Variants in MYOM3 observed in about 807,000 individuals in gnomAD.
MYOM3 encodes the protein myomesin 3.
Under a neutral mutation model 191.7 loss-of-function variants are expected in MYOM3, and 155 were observed. The ratio of observed to expected loss-of-function variants is 0.81; its 90% CI spans 0.71 to 0.92. The LOEUF is 0.92. MYOM3 is among the 40% of genes least tolerant of loss of function. The probability of loss-of-function intolerance (pLI) is 0.00; values close to 1 mark genes in which losing one functional copy is unlikely to be tolerated. For synonymous variants in MYOM3, 757 were observed against 762.9 expected (o/e 0.99, Z 0.13); for missense variants, 1,889 against 1,890.6 (o/e 1.00, Z 0.02).
chr1:24,081,232 C>G (rs940818933), intron 19 of MYOM3, 98 bp downstream of exon 19: 8 of 1,488,426 alleles, frequency 5.4e-6, no homozygotes, highest in Non-Finnish European at 7.3e-6. Context: ...CAGTGCAAGC[C>G]TGAATGCATA....
Position 24,087,180 on chromosome 1 carries a change from G to A in MYOM3, c.1615-353C>T, listed in dbSNP as rs1011159698. On this transcript the variant is annotated intron_variant, in intron 14 of 36. Transcript: ENST00000374434. This position sits in a 1 kb window ranked among gnomAD's most constrained non-coding sequence, Gnocchi z 4.5. ...ATGTGCTCCATGAATGAACCCAGTT[G>A]GCTCACCCTTCAAAATTTACCCAGA... Among the ~76,000 whole-genome samples, 4 of 152,048 alleles carry A rather than the reference G, an allele frequency of 2.6e-5. No homozygotes were observed. The highest frequency in any genetic ancestry group is 1.3e-4 in the Admixed American group (2 of 15,278).
At position 24,071,172 on chromosome 1, in the gene MYOM3, G is replaced by C; in HGVS notation, c.3095C>G (p.Ser1032Cys). Residue 1032 changes from serine to cysteine, a missense_variant, in exon 25 of 37, where the codon TCT becomes TGT. Transcript: ENST00000374434. ...GATTAGATGTAGCTCAGCGGCTGGAGATAACTTTTCTACTTCCAGCCAAAG... is the reference window on the plus strand; with the variant it reads ...GATTAGATGTAGCTCAGCGGCTGGACATAACTTTTCTACTTCCAGCCAAAG... Reference protein sequence around the residue: ...VRLWLEVEKLSPAAELHLIFN... With the variant: ...VRLWLEVEKLCPAAELHLIFN... The C allele has an allele frequency of 1.2e-6, 2 of 1,614,176 alleles. No individual in the cohort carries two copies. Among genetic ancestry groups the C allele is most frequent in the Non-Finnish European group, 1.7e-6 (2 of 1,180,004 alleles).
chr1:24,078,676 T>G (rs12562385), intron 20 of MYOM3, among the ~76,000 whole-genome samples: 61,586 of 152,038 alleles, frequency 0.41, 12,781 homozygotes, highest in Non-Finnish European at 0.43. Context: ...AAATGGAAAC[T>G]AATCCACATA....
intron 7 of MYOM3, among the ~76,000 whole-genome samples, chr1:24,096,759 C>T (rs1643880259): frequency 6.7e-6 from 1 of 148,344 alleles, no homozygotes; most frequent in Non-Finnish European, 1.5e-5. Context: ...TATGTGTGCA[C>T]ACGTGGGCTT....
chr1:24,082,850 A>G, intron 16 of MYOM3, 136 bp from the exon 17 acceptor site: 3 of 1,118,584 alleles, frequency 2.7e-6, no homozygotes, highest in Non-Finnish European at 3.6e-6. Flanking sequence ...CTTCCTAAAA[A>G]TATTGCCCTT....
At chr1:24,100,404 A>G (rs1643903418) in intron 5 of MYOM3, among the ~76,000 whole-genome samples, 1 of 152,204 alleles carries the variant, frequency 6.6e-6, no homozygotes, top group Admixed American at 6.5e-5. Context: ...CCTGTAATTA[A>G]GGGCAGCTGC....
chr1:24,078,512 T>A (rs1013753199), intron 20 of MYOM3, among the ~76,000 whole-genome samples: 18 of 152,240 alleles, frequency 1.2e-4, no homozygotes, highest in Admixed American at 5.9e-4. Flanking sequence ...TTGCCATTGT[T>A]ACGGGCTTCT....
intron 1 of MYOM3, among the ~76,000 whole-genome samples, chr1:24,109,172 G>T (rs76479973): frequency 1.3e-5 from 2 of 152,100 alleles, no homozygotes; most frequent in Non-Finnish European, 2.9e-5. Context: ...CTCCTGGCCC[G>T]CTTGGCTCTA....
chr1:24,089,051 C>T (rs1191478848), intron 14 of MYOM3, among the ~76,000 whole-genome samples: 2 of 152,178 alleles, frequency 1.3e-5, no homozygotes, highest in East Asian at 1.9e-4. Flanking sequence ...GCCTCATCCC[C>T]GCCGGGGTCT....
chr1:24,061,418 C>T (rs751267630), intron 33 of MYOM3, 109 bp from the exon 34 acceptor site: 1 of 1,084,270 alleles, frequency 9.2e-7, no homozygotes. Flanking sequence ...CTCCACTCTC[C>T]TCCCCATGCC....
At chr1:24,081,262 A>G (rs1421023229) in intron 19 of MYOM3, 68 bp downstream of exon 19, 1 of 1,588,408 alleles carries the variant, frequency 6.3e-7, no homozygotes, top group South Asian at 1.1e-5. Flanking sequence ...GGCAACCTTC[A>G]TCTCATTGGG....
At position 24,067,106 on chromosome 1, in the gene MYOM3, A is replaced by C; in HGVS notation, c.3356-18T>G. 2 of 1,564,440 alleles carry C rather than the reference A, an allele frequency of 1.3e-6. No individual in the cohort carries two copies. The highest frequency in any genetic ancestry group is 1.7e-6 in the Non-Finnish European group (2 of 1,152,816). On this transcript the variant is annotated intron_variant, in intron 27 of 36. Transcript: ENST00000374434. ...ATAGGGACCTGTGCGTGCAAAACAA[A>C]TGTGCCCACTGTCAGAGAGCCAGGC...
intron 1 of MYOM3, among the ~76,000 whole-genome samples, chr1:24,109,773 G>A (rs755684431): frequency 3.3e-5 from 5 of 152,230 alleles, no homozygotes; most frequent in Non-Finnish European, 5.9e-5. Context: ...GCCATGACTG[G>A]CAGCCAATCC....
intron 25 of MYOM3, 84 bp from the exon 26 acceptor site, chr1:24,068,451 G>C: frequency 1.3e-6 from 2 of 1,533,822 alleles, no homozygotes; most frequent in Non-Finnish European, 1.8e-6. Flanking sequence ...TGGGCTTGGG[G>C]GTGGTAAGCA....
chr1:24,063,200 G>A lies in MYOM3; in HGVS notation c.3696C>T (p.Thr1232=), dbSNP rs140762098. The change falls in exon 32 of 37, where the codon ACC becomes ACT. Residue 1232 remains threonine (T), a synonymous_variant. Coordinates refer to ENST00000374434, the MANE Select transcript of MYOM3 (RefSeq NM_152372.4). The surrounding 1 kb of genome is among the most constrained non-coding windows in gnomAD (Gnocchi z 4.5). ...LSATPLKIQG[T]EEGIRIFSKV... is the part of the protein sequence containing the mutation. ...TGCTGAAGATCCGGATCCCTTCCTCGGTCCCCTGGATTTTCAGTGGAGTTG... is the reference window on the plus strand; with the variant it reads ...TGCTGAAGATCCGGATCCCTTCCTCAGTCCCCTGGATTTTCAGTGGAGTTG... The A allele has an allele frequency of 9.2e-4, 1,484 of 1,613,932 alleles. 2 individuals are homozygous for A. The highest frequency in any genetic ancestry group is 2.0e-3 in the Middle Eastern group (12 of 6,042).
intron 21 of MYOM3, among the ~76,000 whole-genome samples, chr1:24,075,777 GT>G (rs1643591442): frequency 6.6e-6 from 1 of 152,132 alleles, no homozygotes; most frequent in Non-Finnish European, 1.5e-5. Flanking sequence ...CTTGTTTACT[GT>G]CTTCTGCTCC....
At chr1:24,066,316 A>G in intron 28 of MYOM3, 1 of 684,430 alleles carries the variant, frequency 1.5e-6, no homozygotes, top group Non-Finnish European at 2.7e-6. Flanking sequence ...CGGGTCAAGC[A>G]TGAGGGATGC....
chr1:24,100,832 A>G (rs1307154738), intron 5 of MYOM3, among the ~76,000 whole-genome samples: 2 of 151,358 alleles, frequency 1.3e-5, no homozygotes, highest in East Asian at 3.9e-4. Flanking sequence ...GCTTGCAATG[A>G]GCAGAGATCG....
chr1:24,098,096 G>A lies in MYOM3; in HGVS notation c.657-85C>T, dbSNP rs1444041964. 3.3e-5 allele frequency: 29 copies of A among 866,994 alleles called. No individual in the cohort carries two copies. The East Asian group carries it at 6.8e-4, about 20-fold the overall frequency. The allele number at this position is 866,994 out of a possible 1,614,324, so 53.7% of individuals were successfully genotyped here. A position where few individuals can be genotyped will look rare whatever the true frequency, so the allele number is the denominator to read the frequency against. ...GTCCCCTGTGTGGGTGGGAAAGGCT[G>A]GAACTAAGGAAAGCCTCACGGTGCC... On this transcript the variant is annotated intron_variant, in intron 6 of 36. Transcript: ENST00000374434.
Sources: gnomAD v4.1 joint callset for allele counts (sites outside exome capture counted in the v4.1 genomes callset) on GRCh38, gnomAD v4.1.1 for gene constraint, Gnocchi (gnomAD v3.1) non-coding constraint, MANE v1.5 for transcripts, NCBI Gene and HGNC (gene_info 2026-07-23, HGNC 2026-07-21) for gene names.